PLXDC2: variants seen among roughly 807,000 people sequenced by gnomAD.
PLXDC2 encodes plexin domain containing 2, also known as plexin domain-containing protein 2.
PLXDC2 carries 40 observed loss-of-function variants against 68.9 expected under a neutral mutation model. The ratio of observed to expected loss-of-function variants is 0.58; its 90% CI spans 0.45 to 0.76. PLXDC2 has a LOEUF of 0.76. Ranked by LOEUF, PLXDC2 falls within the 30% of genes least tolerant of loss-of-function variation. PLXDC2 has a pLI of 0.00. For synonymous variants in PLXDC2, 243 were observed against 234.2 expected (o/e 1.04, Z -0.34); for missense variants, 644 against 661.9 (o/e 0.97, Z 0.30).
intron 4 of PLXDC2, among the ~76,000 whole-genome samples, chr10:20,137,902 G>A (rs1833954568): frequency 6.6e-6 from 1 of 152,174 alleles, no homozygotes; most frequent in African/African-American, 2.4e-5. Flanking sequence ...ATGATTGAGT[G>A]TGGGTGTATG....
intron 1 of PLXDC2, among the ~76,000 whole-genome samples, chr10:19,999,170 C>G (rs1405656393): frequency 6.6e-6 from 1 of 152,150 alleles, no homozygotes; most frequent in South Asian, 2.1e-4. Context: ...ACTTTCTGTT[C>G]TGTGCCAGGA....
At chr10:20,111,140 C>T (rs1254131391) in intron 4 of PLXDC2, among the ~76,000 whole-genome samples, 1 of 152,162 alleles carries the variant, frequency 6.6e-6, no homozygotes, top group East Asian at 1.9e-4. Flanking sequence ...ATGACAGATA[C>T]GTCCCCTGCT....
chr10:20,120,965 G>A (rs1178956377), intron 4 of PLXDC2, among the ~76,000 whole-genome samples: 1 of 152,122 alleles, frequency 6.6e-6, no homozygotes, highest in East Asian at 1.9e-4. Flanking sequence ...AAGGAAATAC[G>A]GGGAAATGGG....
chr10:19,911,547 A>T (rs148138153), intron 1 of PLXDC2, among the ~76,000 whole-genome samples: 1 of 152,286 alleles, frequency 6.6e-6, no homozygotes, highest in Non-Finnish European at 1.5e-5. Flanking sequence ...CAAACATCCA[A>T]GCCATGAGAG....
At chr10:20,146,383 CCTTT>C (rs1300732143) in intron 5 of PLXDC2, among the ~76,000 whole-genome samples, 1 of 151,578 alleles carries the variant, frequency 6.6e-6, no homozygotes, top group Non-Finnish European at 1.5e-5. Context: ...CTCCCTCCCT[CCTTT>C]CTTTCTTCCT....
At chr10:19,908,530 A>G (rs1304956856) in intron 1 of PLXDC2, among the ~76,000 whole-genome samples, 1 of 152,176 alleles carries the variant, frequency 6.6e-6, no homozygotes, top group Non-Finnish European at 1.5e-5. Flanking sequence ...ATAGGAGTTG[A>G]ATTGTCCTTT....
Position 19,931,119 on chromosome 10 carries a change from C to T in PLXDC2, c.113-70656C>T, listed in dbSNP as rs7072102. On this transcript the variant is annotated intron_variant, in intron 1 of 13. Transcript: ENST00000377252. The stretch of plus-strand genomic sequence containing the variant: ...AACACCCATGGGAAGGAGAGCTTGT[C>T]TGGTTAGTTAGATGACTTTGGATAG... Among the ~76,000 whole-genome samples, 1,270 of 152,298 alleles carry T rather than the reference C, an allele frequency of 8.3e-3. 24 individuals carry two copies. Among genetic ancestry groups the T allele is most frequent in the African/African-American group, 0.029 (1,205 of 41,558 alleles).
intron 1 of PLXDC2, among the ~76,000 whole-genome samples, chr10:19,945,871 G>A (rs2131401998): frequency 6.6e-6 from 1 of 152,250 alleles, no homozygotes; most frequent in South Asian, 2.1e-4. Context: ...ATATTATGCT[G>A]TTCTCTGTTA....
chr10:19,816,992 C>T lies in PLXDC2; in HGVS notation c.-88C>T, dbSNP rs1377821689. Reference sequence around the variant, plus strand: ...GGGTCCTACCGAGACCGATCCGCAGCGTTTGGCCCGGTCGTGCCTATTGCA... The same window carrying T: ...GGGTCCTACCGAGACCGATCCGCAGTGTTTGGCCCGGTCGTGCCTATTGCA... On this transcript the variant is annotated 5_prime_UTR_variant, in exon 1 of 14. Coordinates refer to ENST00000377252, the MANE Select transcript of PLXDC2 (RefSeq NM_032812.9). The T allele has an allele frequency of 5.3e-6, 5 of 936,590 alleles. No homozygotes were observed. The highest frequency in any genetic ancestry group is 2.9e-5 in the South Asian group (2 of 67,888). 58.0% of individuals were successfully genotyped at this position (936,590 alleles called of 1,614,324 possible). A position where few individuals can be genotyped will look rare whatever the true frequency, so the allele number is the denominator to read the frequency against.
At chr10:20,134,648 C>T (rs943634429) in intron 4 of PLXDC2, among the ~76,000 whole-genome samples, 1 of 152,150 alleles carries the variant, frequency 6.6e-6, no homozygotes, top group African/African-American at 2.4e-5. Flanking sequence ...TGGGAATCAA[C>T]CTGGCACAAG....
intron 4 of PLXDC2, among the ~76,000 whole-genome samples, chr10:20,109,115 G>A (rs1207436353): frequency 3.3e-5 from 5 of 152,142 alleles, no homozygotes; most frequent in Admixed American, 6.6e-5. Context: ...CTAACCTGGC[G>A]CTCAGGGAGG....
At chr10:19,849,597 C>T (rs561694664) in intron 1 of PLXDC2, among the ~76,000 whole-genome samples, 1 of 152,140 alleles carries the variant, frequency 6.6e-6, no homozygotes, top group East Asian at 1.9e-4. Flanking sequence ...GGCGCTTCTC[C>T]TTGCCACTGC....
intron 9 of PLXDC2, among the ~76,000 whole-genome samples, chr10:20,187,380 T>C (rs557371590): frequency 6.6e-6 from 1 of 151,966 alleles, no homozygotes; most frequent in East Asian, 1.9e-4. Context: ...TATACACATT[T>C]ATAGGGTACA....
At chr10:19,967,376 T>C (rs1355840721) in intron 1 of PLXDC2, among the ~76,000 whole-genome samples, 1 of 152,098 alleles carries the variant, frequency 6.6e-6, no homozygotes, top group Non-Finnish European at 1.5e-5. Context: ...TGTATCTGGA[T>C]GAAATGGGAA....
intron 9 of PLXDC2, among the ~76,000 whole-genome samples, chr10:20,191,668 AG>A (rs1435763232): frequency 2.1e-5 from 3 of 139,828 alleles, no homozygotes; most frequent in Non-Finnish European, 4.8e-5. Context: ...GGGTGGAGGG[AG>A]GGGGGAGGGA....
intron 13 of PLXDC2, among the ~76,000 whole-genome samples, chr10:20,247,581 C>T (rs1329676409): frequency 1.3e-5 from 2 of 152,154 alleles, no homozygotes; most frequent in African/African-American, 4.8e-5. Flanking sequence ...CATCTTCCTG[C>T]CTCGGCAGCT....
At chr10:20,153,056 T>G (rs1834171577) in intron 6 of PLXDC2, among the ~76,000 whole-genome samples, 1 of 152,158 alleles carries the variant, frequency 6.6e-6, no homozygotes, top group African/African-American at 2.4e-5. Flanking sequence ...AGATCTGAAT[T>G]TTTGCTATGG....
chr10:19,887,337 A>G (rs1837866569), intron 1 of PLXDC2, among the ~76,000 whole-genome samples: 1 of 152,138 alleles, frequency 6.6e-6, no homozygotes, highest in Admixed American at 6.5e-5. Context: ...CCTGGCCAAT[A>G]TGGCAAAACC....
intron 2 of PLXDC2, among the ~76,000 whole-genome samples, chr10:20,017,430 T>C (rs1232151067): frequency 3.9e-5 from 6 of 152,214 alleles, no homozygotes; most frequent in Admixed American, 1.3e-4. Flanking sequence ...AAGAAATACC[T>C]GTTTCCAAGT....
Sources: allele counts gnomAD v4.1 joint callset (sites outside exome capture counted in the v4.1 genomes callset), GRCh38; gene constraint gnomAD v4.1.1; transcripts MANE v1.5; gene names NCBI Gene and HGNC (gene_info 2026-07-23, HGNC 2026-07-21).